Variants in CSPP1 observed in about 807,000 individuals in gnomAD.
The protein encoded by CSPP1 is centrosome and spindle pole associated protein 1.
A neutral mutation model predicts 164.4 loss-of-function variants in CSPP1; 126 were observed. That is an observed-to-expected ratio of 0.77 (90% CI 0.66 to 0.89). The LOEUF (loss-of-function observed/expected upper bound fraction) is 0.89. Among genes scored for constraint, CSPP1 ranks in the 40% least tolerant of loss-of-function variants. The pLI is 0.00. For synonymous variants in CSPP1, 472 were observed against 476.7 expected (o/e 0.99, Z 0.13); for missense variants, 1,395 against 1,449.8 (o/e 0.96, Z 0.61).
intron 17 of CSPP1, among the ~76,000 whole-genome samples, chr8:67,146,026 G>A (rs1012473840): frequency 4.2e-4 from 63 of 151,738 alleles, no homozygotes; most frequent in African/African-American, 1.5e-3. Flanking sequence ...ATTTGGAAGT[G>A]GACTTAAAAA....
Position 67,072,995 on chromosome 8 carries a change from T to G in CSPP1, c.-10-1248T>G, listed in dbSNP as rs555836833. 2.0e-5 allele frequency among the ~76,000 whole-genome samples: 3 copies of G among 151,858 alleles called. No individual in the cohort carries two copies. In the South Asian group the frequency reaches 6.2e-4, roughly 32 times the overall value. Reference sequence around the variant, plus strand: ...ATAGATGAAAAGATGCTCAACATCATAGTTATCAGAGAAATGCAGATTAAA... The same window carrying G: ...ATAGATGAAAAGATGCTCAACATCAGAGTTATCAGAGAAATGCAGATTAAA... On this transcript the variant is annotated intron_variant, in intron 1 of 30. Transcript: ENST00000678616.
chr8:67,098,199 A>G (rs1813239655), intron 7 of CSPP1, among the ~76,000 whole-genome samples: 1 of 151,632 alleles, frequency 6.6e-6, no homozygotes, highest in Non-Finnish European at 1.5e-5. Context: ...ATACTATGCA[A>G]TCTTGATCAG....
chr8:67,119,961 A>G (rs1407148553), intron 15 of CSPP1, among the ~76,000 whole-genome samples: 1 of 152,160 alleles, frequency 6.6e-6, no homozygotes, highest in Non-Finnish European at 1.5e-5. Flanking sequence ...AACATCCTGA[A>G]GCTTTTGCCC....
intron 8 of CSPP1, among the ~76,000 whole-genome samples, chr8:67,103,943 T>G (rs982374791): frequency 6.6e-6 from 1 of 152,124 alleles, no homozygotes; most frequent in Non-Finnish European, 1.5e-5. Context: ...ATAGCTTTTA[T>G]GCCTACTTTG....
chr8:67,168,099 A>G (rs1005343581), intron 24 of CSPP1, among the ~76,000 whole-genome samples: 3 of 152,234 alleles, frequency 2.0e-5, no homozygotes, highest in Non-Finnish European at 4.4e-5. Context: ...GCTGGAGACC[A>G]GCCTGGCCAA....
chr8:67,147,288 T>C (rs1196417833), intron 17 of CSPP1, among the ~76,000 whole-genome samples: 1 of 152,242 alleles, frequency 6.6e-6, no homozygotes, highest in Non-Finnish European at 1.5e-5. Flanking sequence ...AGAATATCTA[T>C]CTGCCTTGCC....
At chr8:67,189,728 T>C (rs963615168) in intron 28 of CSPP1, among the ~76,000 whole-genome samples, 11 of 152,316 alleles carry the variant, frequency 7.2e-5, no homozygotes, top group Non-Finnish European at 7.4e-5. Flanking sequence ...CACCAACTTA[T>C]TGGTGTAGCA....
At chr8:67,111,755 G>A (rs1287395814) in intron 9 of CSPP1, among the ~76,000 whole-genome samples, 2 of 152,114 alleles carry the variant, frequency 1.3e-5, no homozygotes, top group Non-Finnish European at 2.9e-5. Context: ...AGAGGCATGG[G>A]CATGATTACT....
chr8:67,184,048 TCACCG>T (rs1397283778), intron 28 of CSPP1, among the ~76,000 whole-genome samples: 1 of 152,092 alleles, frequency 6.6e-6, no homozygotes. Flanking sequence ...AGACGGGGTT[TCACCG>T]TGTTGGCCAG....
chr8:67,122,278 G>A (rs910490091), intron 15 of CSPP1, among the ~76,000 whole-genome samples: 1 of 150,992 alleles, frequency 6.6e-6, no homozygotes, highest in Admixed American at 6.6e-5. Context: ...CTTACTTTGG[G>A]TTCCGTTTGC....
chr8:67,096,147 A>G (rs532194929), intron 7 of CSPP1, among the ~76,000 whole-genome samples: 1 of 152,348 alleles, frequency 6.6e-6, no homozygotes, highest in South Asian at 2.1e-4. Context: ...TACTGCCAGT[A>G]GCGTCCAAAG....
intron 29 of CSPP1, 58 bp downstream of exon 29, chr8:67,190,817 T>C (rs1387980284): frequency 8.2e-7 from 1 of 1,225,604 alleles, no homozygotes; most frequent in South Asian, 1.2e-5. Flanking sequence ...GTCTGGGTTC[T>C]GACCTGTGCT....
intron 1 of CSPP1, among the ~76,000 whole-genome samples, chr8:67,067,449 TTTTG>T (rs879464939): frequency 2.2e-4 from 33 of 152,270 alleles, no homozygotes; most frequent in Middle Eastern, 3.4e-3. Flanking sequence ...GCTCTGTTTT[TTTTG>T]TTTGTTTGTT....
chr8:67,165,082 A>T (rs924765542), intron 24 of CSPP1, among the ~76,000 whole-genome samples: 4 of 152,200 alleles, frequency 2.6e-5, no homozygotes, highest in Non-Finnish European at 4.4e-5. Flanking sequence ...CAGGAGATCG[A>T]GACCATCCTG....
chr8:67,167,865 C>T (rs1489835203), intron 24 of CSPP1, among the ~76,000 whole-genome samples: 1 of 152,044 alleles, frequency 6.6e-6, no homozygotes, highest in Non-Finnish European at 1.5e-5. Context: ...GGTGGCCAGG[C>T]AGAGATGCTC....
intron 27 of CSPP1, among the ~76,000 whole-genome samples, chr8:67,179,627 T>C (rs943188742): frequency 6.6e-6 from 1 of 152,218 alleles, no homozygotes; most frequent in East Asian, 1.9e-4. Context: ...TGTTAGCTTG[T>C]AGAATCTGTA....
chr8:67,076,780 T>C (rs79189455), intron 3 of CSPP1, among the ~76,000 whole-genome samples, 199 bp downstream of exon 3: 1 of 152,336 alleles, frequency 6.6e-6, no homozygotes, highest in African/African-American at 2.4e-5. Context: ...TGATACTGCA[T>C]TGGTTATGAT....
chr8:67,173,334 C>T (rs776173981), intron 25 of CSPP1, among the ~76,000 whole-genome samples: 6 of 152,140 alleles, frequency 3.9e-5, no homozygotes, highest in East Asian at 1.9e-4. Flanking sequence ...AGTAAGGAAA[C>T]GAGATTTCCA....
intron 17 of CSPP1, among the ~76,000 whole-genome samples, chr8:67,145,427 TTTC>T (rs1408400079): frequency 6.6e-6 from 1 of 152,106 alleles, no homozygotes; most frequent in Non-Finnish European, 1.5e-5. Flanking sequence ...TTTCTCTGCT[TTTC>T]TTCTTGTTTC....
Sources: gnomAD v4.1 joint callset for allele counts (sites outside exome capture counted in the v4.1 genomes callset) on GRCh38, gnomAD v4.1.1 for gene constraint, MANE v1.5 for transcripts, NCBI Gene and HGNC (gene_info 2026-07-23, HGNC 2026-07-21) for gene names.